RNF169: variants seen among roughly 807,000 people sequenced by gnomAD.
The protein encoded by RNF169 is E3 ubiquitin-protein ligase RNF169.
Under a neutral mutation model 53.9 loss-of-function variants are expected in RNF169, and 24 were observed. The observed-to-expected ratio is 0.45, with a 90% CI of 0.32 to 0.63. The LOEUF is 0.63. Ranked by LOEUF, RNF169 falls within the 20% of genes least tolerant of loss-of-function variation. RNF169 has a pLI of 0.04. For synonymous variants in RNF169, 396 were observed against 363.5 expected, an observed-to-expected ratio of 1.09 and a Z score of -1.02; for missense variants, 883 against 906.2, an observed-to-expected ratio of 0.97 and a Z score of 0.33.
Position 74,785,300 on chromosome 11 carries a change from G to GAT in RNF169, c.503-4325_503-4324insTA, listed in dbSNP as rs1239471269. Among the ~76,000 whole-genome samples the GAT allele has an allele frequency of 3.4e-4, 48 of 141,772 alleles. 1 individual carries two copies. The highest frequency in any genetic ancestry group is 1.2e-3 in the African/African-American group (47 of 38,236). 93.0% of individuals were successfully genotyped at this position (141,772 alleles called of 152,430 possible). On this transcript the variant is annotated intron_variant, in intron 1 of 5. Transcript: ENST00000299563. ...AGATATATATATGTTATATATATTA[G>GAT]AGATATATATATATGTTATATATAT...
At chr11:74,751,774 AAAT>A (rs2034898697) in intron 1 of RNF169, among the ~76,000 whole-genome samples, 1 of 152,222 alleles carries the variant, frequency 6.6e-6, no homozygotes, top group Admixed American at 6.5e-5. Flanking sequence ...TTCAGTTGAA[AAAT>A]TTTAGAATAC....
chr11:74,782,703 AAC>A (rs1424742441), intron 1 of RNF169, among the ~76,000 whole-genome samples: 3 of 152,218 alleles, frequency 2.0e-5, no homozygotes, highest in Non-Finnish European at 4.4e-5. Context: ...ATTTAAAGAA[AAC>A]ACATTAGTCC....
intron 1 of RNF169, among the ~76,000 whole-genome samples, chr11:74,771,619 G>T (rs2035261718): frequency 6.6e-6 from 1 of 152,162 alleles, no homozygotes; most frequent in African/African-American, 2.4e-5. Flanking sequence ...TGGGAGGATT[G>T]CTTGAGCCCA....
chr11:74,793,994 A>G (rs2035614131), intron 2 of RNF169, among the ~76,000 whole-genome samples: 1 of 152,128 alleles, frequency 6.6e-6, no homozygotes, highest in Non-Finnish European at 1.5e-5. Context: ...CATGATATAT[A>G]TATATTCATT....
chr11:74,802,696 T>C, intron 2 of RNF169, among the ~76,000 whole-genome samples: 1 of 152,168 alleles, frequency 6.6e-6, no homozygotes, highest in East Asian at 1.9e-4. Flanking sequence ...TGAGCAACTT[T>C]GTCATTTTTG....
At chr11:74,821,437 T>C (rs2036008574) in intron 4 of RNF169, among the ~76,000 whole-genome samples, 1 of 69,928 alleles carries the variant, frequency 1.4e-5, no homozygotes. Flanking sequence ...GGCGGGCGGA[T>C]CACGAGGTCA....
At chr11:74,809,170 T>C (rs1007071725) in intron 2 of RNF169, among the ~76,000 whole-genome samples, 53 of 152,210 alleles carry the variant, frequency 3.5e-4, no homozygotes, top group African/African-American at 1.3e-3. Flanking sequence ...AAAATATCCA[T>C]TTGTTCTTTA....
chr11:74,827,711 C>T (rs1376750195), intron 4 of RNF169, among the ~76,000 whole-genome samples: 4 of 152,098 alleles, frequency 2.6e-5, no homozygotes, highest in Non-Finnish European at 4.4e-5. Context: ...TTCACATAAA[C>T]AGAACTAAAG....
intron 2 of RNF169, among the ~76,000 whole-genome samples, chr11:74,795,506 A>G (rs1346950716): frequency 6.6e-6 from 1 of 152,150 alleles, no homozygotes; most frequent in Non-Finnish European, 1.5e-5. Context: ...TGTGCTGAGC[A>G]CCCACAAACA....
At chr11:74,811,442 C>T (rs532426513) in intron 3 of RNF169, among the ~76,000 whole-genome samples, 44 of 152,196 alleles carry the variant, frequency 2.9e-4, no homozygotes, top group African/African-American at 1.0e-3. Context: ...ACCATTTTGC[C>T]CACACTGGTC....
In RNF169 at chr11:74,791,163, G is replaced by A. The variant is rs192986419; in HGVS notation, c.576+1464G>A. Among the ~76,000 whole-genome samples, 82 of 152,254 alleles carry A rather than the reference G, an allele frequency of 5.4e-4. No homozygotes were observed. In the East Asian group the frequency reaches 0.015, roughly 29 times the overall value. ...ACATCTACTCAGCTCTCAGCTGAGA[G>A]GAGATCCACAGTGGGTAGCTCCCCT... is the stretch of plus-strand genomic sequence containing the variant. On this transcript the variant is annotated intron_variant, in intron 2 of 5. Coordinates refer to ENST00000299563, the MANE Select transcript of RNF169 (RefSeq NM_001098638.2).
At chr11:74,833,077 G>A (rs1401745832) in intron 4 of RNF169, among the ~76,000 whole-genome samples, 1 of 152,148 alleles carries the variant, frequency 6.6e-6, no homozygotes, top group Non-Finnish European at 1.5e-5. Context: ...ATACAGGCTG[G>A]CCACCTCTTT....
At chr11:74,761,611 C>A (rs1465841581) in intron 1 of RNF169, among the ~76,000 whole-genome samples, 1 of 152,140 alleles carries the variant, frequency 6.6e-6, no homozygotes, top group African/African-American at 2.4e-5. Context: ...GTTGAAAATT[C>A]TTTCCTTTAA....
chr11:74,818,857 CTT>C (rs1454555713), intron 4 of RNF169, among the ~76,000 whole-genome samples: 2 of 152,048 alleles, frequency 1.3e-5, no homozygotes, highest in Non-Finnish European at 1.5e-5. Flanking sequence ...CATTTTGGGG[CTT>C]TTTTGTTTGT....
chr11:74,807,787 C>T (rs898045163), intron 2 of RNF169: 1 of 152,152 alleles, frequency 6.6e-6, no homozygotes, highest in Non-Finnish European at 1.5e-5. Flanking sequence ...TTCTCACCCT[C>T]CCTTAGTCTT....
At chr11:74,758,418 G>C (rs1431828901) in intron 1 of RNF169, among the ~76,000 whole-genome samples, 2 of 150,254 alleles carry the variant, frequency 1.3e-5, no homozygotes, top group East Asian at 3.9e-4. Flanking sequence ...AGTATAGTTT[G>C]AAGTCAGGTA....
chr11:74,806,328 A>G (rs968904105), intron 2 of RNF169, among the ~76,000 whole-genome samples: 4 of 152,202 alleles, frequency 2.6e-5, no homozygotes, highest in Non-Finnish European at 5.9e-5. Flanking sequence ...AAAATTGACA[A>G]ATAGTACTGA....
intron 1 of RNF169, among the ~76,000 whole-genome samples, chr11:74,761,736 A>G (rs1306679582): frequency 2.7e-5 from 4 of 150,934 alleles, no homozygotes; most frequent in Non-Finnish European, 5.9e-5. Flanking sequence ...TGCCCTTAAC[A>G]TTTTTTCCTT....
At chr11:74,798,024 T>C (rs976765078) in intron 2 of RNF169, among the ~76,000 whole-genome samples, 1 of 152,216 alleles carries the variant, frequency 6.6e-6, no homozygotes, top group African/African-American at 2.4e-5. Flanking sequence ...ATGCCTGTCT[T>C]TACTTTAATC....
Sources: gnomAD v4.1 joint callset for allele counts (sites outside exome capture counted in the v4.1 genomes callset) on GRCh38, gnomAD v4.1.1 for gene constraint, MANE v1.5 for transcripts, NCBI Gene and HGNC (gene_info 2026-07-23, HGNC 2026-07-21) for gene names.